KCTD16: variants seen among roughly 807,000 people sequenced by gnomAD.
KCTD16 encodes potassium channel tetramerization domain containing 16.
A neutral mutation model predicts 33.2 loss-of-function variants in KCTD16; 13 were observed. That is an observed-to-expected ratio of 0.39 (90% CI 0.25 to 0.62). The LOEUF is 0.62. Ranked by LOEUF, KCTD16 falls within the 20% of genes least tolerant of loss-of-function variation. The probability of loss-of-function intolerance (pLI) is 0.50; values close to 1 mark genes in which losing one functional copy is unlikely to be tolerated. For missense variants in KCTD16, 441 were observed against 525.1 expected (o/e 0.84, Z 1.57); for synonymous variants, 197 against 195.3 (o/e 1.01, Z -0.07).
In KCTD16 at chr5:144,206,640, G is replaced by A. The variant is rs951978226; in HGVS notation, c.-75G>A. The A allele has an allele frequency of 6.4e-6, 8 of 1,241,246 alleles. No individual in the cohort carries two copies. Among genetic ancestry groups the A allele is most frequent in the Non-Finnish European group, 9.1e-6 (8 of 880,582 alleles). The allele number at this position is 1,241,246 out of a possible 1,614,324, so 76.9% of individuals were successfully genotyped here. The stretch of plus-strand genomic sequence containing the variant: ...CATCCTTTTCCCTTTCTTACAAGTT[G>A]ATCCAAAGGATAAGGCTGTGACTCC... On this transcript the variant is annotated 5_prime_UTR_variant, in exon 3 of 4. Transcript: ENST00000512467.
chr5:144,434,930 G>A (rs1430886292), intron 3 of KCTD16, among the ~76,000 whole-genome samples: 1 of 152,184 alleles, frequency 6.6e-6, no homozygotes, highest in Non-Finnish European at 1.5e-5. Context: ...CTCTGCAGAA[G>A]CAAGAGGAGC....
rs186263492 is a variant in KCTD16 at position 144,408,666 on chromosome 5, T to C, written c.833-64994T>C. ...AATTATATCACTCACTCTCAGAGCTTCCCAAGGCATTTAGAATAAATCCAC... is the reference window on the plus strand; with the variant it reads ...AATTATATCACTCACTCTCAGAGCTCCCCAAGGCATTTAGAATAAATCCAC... On this transcript the variant is annotated intron_variant, in intron 3 of 3. Coordinates refer to ENST00000512467, the MANE Select transcript of KCTD16 (RefSeq NM_020768.4). Among the ~76,000 whole-genome samples the C allele has an allele frequency of 4.7e-3, 722 of 152,288 alleles. 2 individuals are homozygous for C. The highest frequency in any genetic ancestry group is 0.014 in the Middle Eastern group (4 of 294).
chr5:144,280,015 C>T (rs1038295458), intron 3 of KCTD16, among the ~76,000 whole-genome samples: 1 of 152,136 alleles, frequency 6.6e-6, no homozygotes, highest in Non-Finnish European at 1.5e-5. Context: ...CTGAAATAAA[C>T]TTCACTTTTC....
intron 3 of KCTD16, among the ~76,000 whole-genome samples, chr5:144,224,702 C>T (rs1753875416): frequency 6.6e-6 from 1 of 152,168 alleles, no homozygotes; most frequent in Non-Finnish European, 1.5e-5. Flanking sequence ...TCTTAACTTG[C>T]TACTGAAATC....
intron 3 of KCTD16, among the ~76,000 whole-genome samples, chr5:144,306,105 A>G (rs1175578852): frequency 6.6e-6 from 1 of 152,222 alleles, no homozygotes; most frequent in Admixed American, 6.5e-5. Context: ...ATCATGACCT[A>G]CATCAACAAT....
chr5:144,257,941 TAA>T (rs991191298), intron 3 of KCTD16, among the ~76,000 whole-genome samples: 38 of 152,296 alleles, frequency 2.5e-4, no homozygotes, highest in African/African-American at 8.9e-4. Flanking sequence ...GCTTTTTCGA[TAA>T]GTTATAAGGA....
At chr5:144,208,422 A>G (rs753303175) in intron 3 of KCTD16, among the ~76,000 whole-genome samples, 1 of 152,220 alleles carries the variant, frequency 6.6e-6, no homozygotes, top group Non-Finnish European at 1.5e-5. Flanking sequence ...TCTAAACTAT[A>G]AACTGTGAGC....
intron 3 of KCTD16, among the ~76,000 whole-genome samples, chr5:144,436,763 T>A (rs1166131031): frequency 2.0e-5 from 3 of 151,904 alleles, no homozygotes; most frequent in Non-Finnish European, 4.4e-5. Flanking sequence ...AATTTTTGTA[T>A]TTTTAGTAGA....
chr5:144,343,988 A>G lies in KCTD16; in HGVS notation c.833-129672A>G, dbSNP rs553635790. ...ACAAGGCTACAGTAACCAAAACAGC[A>G]TGGTACTGGTACCAAAACAGAGATA... On this transcript the variant is annotated intron_variant, in intron 3 of 3. Coordinates refer to ENST00000512467, the MANE Select transcript of KCTD16 (RefSeq NM_020768.4). Among the ~76,000 whole-genome samples, 7 of 152,286 alleles carry G rather than the reference A, an allele frequency of 4.6e-5. No individual in the cohort carries two copies. The East Asian group carries it at 1.2e-3, about 25-fold the overall frequency.
In KCTD16 at chr5:144,484,176, C is replaced by CA. The variant is rs1421219214; in HGVS notation, c.*10066dup. On this transcript the variant is annotated 3_prime_UTR_variant, in exon 4 of 4. Coordinates refer to ENST00000512467, the MANE Select transcript of KCTD16 (RefSeq NM_020768.4). The stretch of plus-strand genomic sequence containing the variant: ...TTTGTAAATCATGGGTGGCGGATGT[C>CA]AAAATCTCTCATTAATTACCCTGTT... 1.3e-5 allele frequency: 2 copies of CA among 151,902 alleles called. No homozygotes were observed. The highest frequency in any genetic ancestry group is 4.8e-5 in the African/African-American group (2 of 41,496). The allele number at this position is 151,902 out of a possible 1,614,324, so 9.4% of individuals were successfully genotyped here.
chr5:144,373,140 C>T (rs547608253), intron 3 of KCTD16, among the ~76,000 whole-genome samples: 1 of 152,148 alleles, frequency 6.6e-6, no homozygotes, highest in African/African-American at 2.4e-5. Flanking sequence ...ATGGTGGTGC[C>T]ACCAACCGAA....
chr5:144,392,477 G>C (rs1043100577), intron 3 of KCTD16, among the ~76,000 whole-genome samples: 2 of 152,170 alleles, frequency 1.3e-5, no homozygotes, highest in African/African-American at 4.8e-5. Context: ...TGTTAAAAAG[G>C]ACAAAATATT....
intron 3 of KCTD16, among the ~76,000 whole-genome samples, chr5:144,214,130 G>T (rs1344384730): frequency 6.6e-6 from 1 of 152,086 alleles, no homozygotes; most frequent in African/African-American, 2.4e-5. Context: ...TGCCCAAGGA[G>T]GAATAAAACA....
At chr5:144,421,205 T>C (rs1753200459) in intron 3 of KCTD16, among the ~76,000 whole-genome samples, 1 of 152,140 alleles carries the variant, frequency 6.6e-6, no homozygotes, top group South Asian at 2.1e-4. Flanking sequence ...TTCCTGAGTT[T>C]CTCAAAATCA....
rs1483290317 is a variant in KCTD16 at position 144,477,105 on chromosome 5, A to G, written c.*2991A>G. The G allele has an allele frequency of 2.0e-5, 3 of 152,126 alleles. No individual in the cohort carries two copies. The highest frequency in any genetic ancestry group is 7.2e-5 in the African/African-American group (3 of 41,442). 9.4% of individuals were successfully genotyped at this position (152,126 alleles called of 1,614,324 possible). On this transcript the variant is annotated 3_prime_UTR_variant, in exon 4 of 4. Coordinates refer to ENST00000512467, the MANE Select transcript of KCTD16 (RefSeq NM_020768.4). ...ATGTGGGTTGTCTGAAGTCAGAAACATATTTACAAAGTCCTTCTACCCACT... is the reference window on the plus strand; with the variant it reads ...ATGTGGGTTGTCTGAAGTCAGAAACGTATTTACAAAGTCCTTCTACCCACT...
chr5:144,298,837 C>T (rs1756119697), intron 3 of KCTD16, among the ~76,000 whole-genome samples: 1 of 151,334 alleles, frequency 6.6e-6, no homozygotes, highest in African/African-American at 2.4e-5. Flanking sequence ...GGTCTCTCCC[C>T]AACTCCAGCT....
At chr5:144,286,135 G>T (rs1350159074) in intron 3 of KCTD16, among the ~76,000 whole-genome samples, 1 of 151,940 alleles carries the variant, frequency 6.6e-6, no homozygotes, top group Admixed American at 6.6e-5. Context: ...TTTGTTTTTA[G>T]ATAGCTCTCT....
chr5:144,463,846 T>C (rs2126994400), intron 3 of KCTD16, among the ~76,000 whole-genome samples: 1 of 152,336 alleles, frequency 6.6e-6, no homozygotes, highest in South Asian at 2.1e-4. Flanking sequence ...AATTTAAAGA[T>C]GTCTATTATT....
At chr5:144,300,194 G>A (rs1224517371) in intron 3 of KCTD16, among the ~76,000 whole-genome samples, 1 of 152,134 alleles carries the variant, frequency 6.6e-6, no homozygotes, top group African/African-American at 2.4e-5. Flanking sequence ...TGAATCAAAA[G>A]AGATATAGAC....
Sources: gnomAD v4.1 joint callset for allele counts (sites outside exome capture counted in the v4.1 genomes callset) on GRCh38, gnomAD v4.1.1 for gene constraint, MANE v1.5 for transcripts, NCBI Gene and HGNC (gene_info 2026-07-23, HGNC 2026-07-21) for gene names.